UBE3B: variants seen among roughly 807,000 people sequenced by gnomAD.
The protein encoded by UBE3B is ubiquitin-protein ligase E3B.
A neutral mutation model predicts 132.3 loss-of-function variants in UBE3B; 80 were observed. The ratio of observed to expected loss-of-function variants is 0.60; its 90% CI spans 0.50 to 0.73. The LOEUF is 0.73. Among genes scored for constraint, UBE3B ranks in the 30% least tolerant of loss-of-function variants. The pLI is 0.00. For missense variants in UBE3B, 1,196 were observed against 1,362.5 expected (o/e 0.88, Z 1.92); for synonymous variants, 487 against 520.4 (o/e 0.94, Z 0.87).
At chr12:109,489,871 C>A in intron 7 of UBE3B, 48 bp from the exon 8 acceptor site, 1 of 1,552,388 alleles carries the variant, frequency 6.4e-7, no homozygotes, top group Non-Finnish European at 8.9e-7. Flanking sequence ...ATAAACAGGT[C>A]ACATTATGGC....
In UBE3B at chr12:109,534,896, C is replaced by A; in HGVS notation, c.*114C>A. On this transcript the variant is annotated 3_prime_UTR_variant, in exon 28 of 28. Coordinates refer to ENST00000342494, the MANE Select transcript of UBE3B (RefSeq NM_130466.4). This position sits in a 1 kb window ranked among gnomAD's most constrained non-coding sequence, Gnocchi z 5.2. ...ATGCCAGGTGACATTGGCCCCTAGA[C>A]CCTCTCTATAGCCATGAGACTCCTT... 2 of 891,898 alleles carry A rather than the reference C, an allele frequency of 2.2e-6. No homozygotes were observed. Among genetic ancestry groups the A allele is most frequent in the Non-Finnish European group, 1.6e-6 (1 of 613,006 alleles). The allele number at this position is 891,898 out of a possible 1,614,324, so 55.2% of individuals were successfully genotyped here. A position where few individuals can be genotyped will look rare whatever the true frequency, so the allele number is the denominator to read the frequency against.
At chr12:109,524,999 T>C (rs1882165151) in intron 23 of UBE3B, among the ~76,000 whole-genome samples, 2 of 152,078 alleles carry the variant, frequency 1.3e-5, no homozygotes, top group Non-Finnish European at 2.9e-5. Context: ...CGCCCTTTGA[T>C]TGTGTCCTGG....
rs1189447189 is a variant in UBE3B at position 109,507,727 on chromosome 12, C to T, written c.1614C>T (p.His538=). The change falls in exon 15 of 28, where the codon CAC becomes CAT. Residue 538 remains histidine (H), a synonymous_variant. Transcript: ENST00000342494. ...MLMLFCDCSR[H]LITILDDIEV... ...TGCTGTTCTGTGACTGTTCGCGGCA[C>T]CTCATCACGTAGGTTGACTGCTGTG... 7.4e-6 allele frequency: 12 copies of T among 1,612,438 alleles called. No individual in the cohort carries two copies. Among genetic ancestry groups the T allele is most frequent in the African/African-American group, 1.3e-5 (1 of 74,990 alleles).
In UBE3B at chr12:109,534,840, G is replaced by A; in HGVS notation, c.*58G>A. On this transcript the variant is annotated 3_prime_UTR_variant, in exon 28 of 28. Coordinates refer to ENST00000342494, the MANE Select transcript of UBE3B (RefSeq NM_130466.4). The surrounding 1 kb of genome is among the most constrained non-coding windows in gnomAD (Gnocchi z 5.2). Reference sequence around the variant, plus strand: ...GGCTGCCAGGGACCTTCAGCTCCCAGAGGCAGTGTGGTCCTGGGAATGTGA... The same window carrying A: ...GGCTGCCAGGGACCTTCAGCTCCCAAAGGCAGTGTGGTCCTGGGAATGTGA... The A allele has an allele frequency of 7.1e-7, 1 of 1,406,318 alleles. No individual in the cohort carries two copies. The allele number at this position is 1,406,318 out of a possible 1,614,324, so 87.1% of individuals were successfully genotyped here.
rs930220230 is a variant in UBE3B at position 109,521,908 on chromosome 12, A to C, written c.2364+357A>C. 3.3e-5 allele frequency among the ~76,000 whole-genome samples: 5 copies of C among 152,094 alleles called. No individual in the cohort carries two copies. On this transcript the variant is annotated intron_variant, in intron 21 of 27. Transcript: ENST00000342494. The surrounding 1 kb of genome is among the most constrained non-coding windows in gnomAD (Gnocchi z 4.2). The stretch of plus-strand genomic sequence containing the variant: ...CTAAGGCCAGCCCTCTTCTTTCCTG[A>C]GGCATGAGGAGTGGTGTGCAGAGCC...
chr12:109,490,070 C>A, intron 8 of UBE3B, 66 bp downstream of exon 8: 2 of 1,476,722 alleles, frequency 1.4e-6, no homozygotes, highest in Non-Finnish European at 1.9e-6. Flanking sequence ...TGGATTTTTA[C>A]ATTTGCATTC....
Position 109,501,416 on chromosome 12 carries a change from GT to G in UBE3B, c.1165del (p.Trp389GlyfsTer5). On this transcript the variant is annotated frameshift_variant, in exon 13 of 28. Coordinates refer to ENST00000342494, the MANE Select transcript of UBE3B (RefSeq NM_130466.4). LOFTEE classifies it high-confidence loss of function. ...TGATCACCAAACAGCTGCAGTTCTT[GT>G]GGGGGGTGCCTCTGATCCGGATCTT... The part of the protein sequence containing the change: ...HLITKQLQFL[W>X]GVPLIRIFFC... The G allele has an allele frequency of 1.9e-6, 3 of 1,614,200 alleles. No individual in the cohort carries two copies. Among genetic ancestry groups the G allele is most frequent in the Non-Finnish European group, 1.7e-6 (2 of 1,180,044 alleles).
intron 16 of UBE3B, 85 bp downstream of exon 16, chr12:109,509,799 T>A: frequency 4.9e-6 from 4 of 813,102 alleles, no homozygotes; most frequent in Non-Finnish European, 3.9e-6. Flanking sequence ...GATTCTTAGC[T>A]TTATTGTCTC....
intron 21 of UBE3B, 113 bp from the exon 22 acceptor site, chr12:109,523,865 G>T (rs1013877642): frequency 3.4e-6 from 5 of 1,470,026 alleles, no homozygotes; most frequent in East Asian, 2.3e-5. Flanking sequence ...CTTAGGAGGG[G>T]CCTGGAAATG....
At position 109,521,585 on chromosome 12, in the gene UBE3B, A is replaced by G; in HGVS notation, c.2364+34A>G. The G allele has an allele frequency of 9.6e-6, 10 of 1,041,200 alleles. No individual in the cohort carries two copies. The highest frequency in any genetic ancestry group is 1.3e-5 in the Non-Finnish European group (10 of 760,280). The allele number at this position is 1,041,200 out of a possible 1,614,324, so 64.5% of individuals were successfully genotyped here. A position where few individuals can be genotyped will look rare whatever the true frequency, so the allele number is the denominator to read the frequency against. ...GTTAAGAAACAGAGAAATGTAAAAT[A>G]AAATGTTAACGGTACCATGGGCTTC... On this transcript the variant is annotated intron_variant, in intron 21 of 27. Coordinates refer to ENST00000342494, the MANE Select transcript of UBE3B (RefSeq NM_130466.4). This position sits in a 1 kb window ranked among gnomAD's most constrained non-coding sequence, Gnocchi z 4.2.
chr12:109,511,409 T>A (rs1566098089), intron 18 of UBE3B, 106 bp downstream of exon 18: 2 of 985,366 alleles, frequency 2.0e-6, no homozygotes. Flanking sequence ...AGTGGGATCA[T>A]TCATTCAGCA....
chr12:109,491,968 GGA>G (rs1877527597), intron 9 of UBE3B: 1 of 152,154 alleles, frequency 6.6e-6, no homozygotes, highest in Admixed American at 6.5e-5. Flanking sequence ...CATTTTCCAT[GGA>G]AAACCTATTT....
intron 1 of UBE3B, among the ~76,000 whole-genome samples, chr12:109,480,108 G>T (rs374025418): frequency 1.3e-5 from 2 of 151,880 alleles, no homozygotes; most frequent in East Asian, 3.9e-4. Flanking sequence ...AAAGTTAATG[G>T]GTGAGAAATG....
chr12:109,490,682 C>T (rs1877325190), intron 8 of UBE3B: 13 of 1,469,438 alleles, frequency 8.8e-6, no homozygotes, highest in African/African-American at 1.4e-5. Flanking sequence ...TTTGTATTAG[C>T]TGTTTTTTTA....
Position 109,501,419 on chromosome 12 carries a change from G to A in UBE3B, c.1167G>A (p.Trp389Ter), listed in dbSNP as rs1359982302. ...TCACCAAACAGCTGCAGTTCTTGTG[G>A]GGGGTGCCTCTGATCCGGATCTTCT... ...HLITKQLQFL[W>*]GVPLIRIFFC... Residue 389 changes from tryptophan (W) to a stop codon, truncating the protein, a stop_gained, in exon 13 of 28, where the codon TGG becomes TGA. Coordinates refer to ENST00000342494, the MANE Select transcript of UBE3B (RefSeq NM_130466.4). LOFTEE classifies it high-confidence loss of function. 5.0e-6 allele frequency: 8 copies of A among 1,614,042 alleles called. No homozygotes were observed. Among genetic ancestry groups the A allele is most frequent in the Non-Finnish European group, 6.8e-6 (8 of 1,180,046 alleles).
rs1878962686 is a variant in UBE3B, at chr12:109,501,361, T to C, written c.1119-10T>C. ...AACTGACAGACCAGGTCTCCTCTGC[T>C]CTCTCCTAGCCTTAACGAGTCAATG... On this transcript the variant is annotated splice_polypyrimidine_tract_variant and intron_variant, in intron 12 of 27. Transcript: ENST00000342494. 2.5e-6 allele frequency: 4 copies of C among 1,613,786 alleles called. No individual in the cohort carries two copies. Among genetic ancestry groups the C allele is most frequent in the South Asian group, 1.1e-5 (1 of 91,054 alleles).
intron 18 of UBE3B, among the ~76,000 whole-genome samples, chr12:109,512,184 C>T (rs1188119539): frequency 2.0e-5 from 3 of 152,108 alleles, no homozygotes; most frequent in Admixed American, 6.5e-5. Context: ...CTCCTGACTG[C>T]CCCCATGGAC....
At chr12:109,530,714 C>T in intron 26 of UBE3B, 56 bp downstream of exon 26, 1 of 1,515,924 alleles carries the variant, frequency 6.6e-7, no homozygotes, top group Non-Finnish European at 9.1e-7. Context: ...CCTGGAAGGC[C>T]AGTTGATGTA....
chr12:109,546,552 G>A, the UBE3B span, among the ~76,000 whole-genome samples: 245 of 152,314 alleles, frequency 1.6e-3, 1 homozygote, highest in Non-Finnish European at 2.5e-3. Context: ...ACCCATCCTC[G>A]CTCAGTGCAT....
Sources: gnomAD v4.1 joint callset for allele counts (sites outside exome capture counted in the v4.1 genomes callset) on GRCh38, gnomAD v4.1.1 for gene constraint, Gnocchi (gnomAD v3.1) non-coding constraint, MANE v1.5 for transcripts, NCBI Gene and HGNC (gene_info 2026-07-23, HGNC 2026-07-21) for gene names.